The following CDC73 variants were observed in gnomAD, a reference collection of about 807,000 sequenced individuals.
CDC73 encodes parafibromin.
CDC73 carries 21 observed loss-of-function variants against 83.7 expected under a neutral mutation model. That is an observed-to-expected ratio of 0.25 (90% confidence interval 0.18 to 0.36). The LOEUF (loss-of-function observed/expected upper bound fraction) is 0.36. Among genes scored for constraint, CDC73 ranks in the 10% least tolerant of loss-of-function variants. The pLI is 1.00. For missense variants in CDC73, 342 were observed against 653.3 expected (o/e 0.52, Z 5.19); for synonymous variants, 224 against 212.9 (o/e 1.05, Z -0.45).
rs184512604 is a variant in CDC73 at position 193,207,408 on chromosome 1, A to T, written c.1030+3556A>T. Among the ~76,000 whole-genome samples the T allele has an allele frequency of 3.3e-3, 499 of 152,242 alleles. 1 individual carries two copies. Among genetic ancestry groups the T allele is most frequent in the Non-Finnish European group, 5.2e-3 (352 of 68,004 alleles). ...AGAACCAATCTGACCAAAATTTACC[A>T]GGCTGGAATTTCCCAATCATAGTAA... is the stretch of plus-strand genomic sequence containing the variant. On this transcript the variant is annotated intron_variant, in intron 11 of 16. Coordinates refer to ENST00000367435, the MANE Select transcript of CDC73 (RefSeq NM_024529.5).
chr1:193,152,735 T>G (rs1181730910), intron 10 of CDC73, among the ~76,000 whole-genome samples: 1 of 152,090 alleles, frequency 6.6e-6, no homozygotes, highest in Non-Finnish European at 1.5e-5. Flanking sequence ...ATGAGGTCAG[T>G]TTGGGAGAGC....
At chr1:193,243,854 C>T (rs1536098) in intron 15 of CDC73, among the ~76,000 whole-genome samples, 94,910 of 151,912 alleles carry the variant, frequency 0.62, 30,082 homozygotes, top group South Asian at 0.77. Context: ...TTTTTCTGGG[C>T]ACAAATTATT....
chr1:193,193,413 A>C (rs1473921309), intron 10 of CDC73, among the ~76,000 whole-genome samples: 1 of 152,166 alleles, frequency 6.6e-6, no homozygotes, highest in Non-Finnish European at 1.5e-5. Context: ...ATTGAAATTC[A>C]TATGGTGTCA....
intron 10 of CDC73, among the ~76,000 whole-genome samples, chr1:193,165,820 C>T (rs181468691): frequency 2.0e-5 from 3 of 152,322 alleles, no homozygotes; most frequent in Non-Finnish European, 2.9e-5. Flanking sequence ...GCTGAGCATG[C>T]TAACATTTGG....
At chr1:193,139,578 C>T (rs1184874455) in intron 6 of CDC73, among the ~76,000 whole-genome samples, 1 of 152,118 alleles carries the variant, frequency 6.6e-6, no homozygotes, top group African/African-American at 2.4e-5. Context: ...TATTACATGT[C>T]TGCTTTATTA....
At chr1:193,216,483 C>G (rs543400364) in intron 13 of CDC73, among the ~76,000 whole-genome samples, 1 of 152,228 alleles carries the variant, frequency 6.6e-6, no homozygotes, top group East Asian at 1.9e-4. Flanking sequence ...CAACCCCAAA[C>G]CAGACAGATT....
rs28458317 is a variant in CDC73, at chr1:193,161,659, T to A, written c.972+9215T>A. ...AATATATTATATAATATATAATATA[T>A]TATATATCTATCATATAATATATAT... On this transcript the variant is annotated intron_variant, in intron 10 of 16. Coordinates refer to ENST00000367435, the MANE Select transcript of CDC73 (RefSeq NM_024529.5). 3.7e-5 allele frequency among the ~76,000 whole-genome samples: 2 copies of A among 53,564 alleles called. 1 individual carries two copies. Among genetic ancestry groups the A allele is most frequent in the African/African-American group, 1.9e-4 (2 of 10,764 alleles). 35.1% of individuals were successfully genotyped at this position (53,564 alleles called of 152,430 possible).
chr1:193,138,774 A>ATTTTTT, intron 6 of CDC73, among the ~76,000 whole-genome samples: 1 of 128,982 alleles, frequency 7.8e-6, no homozygotes, highest in Non-Finnish European at 1.6e-5. Flanking sequence ...CTGAACTTTA[A>ATTTTTT]TTTTTTTTTT....
At chr1:193,225,567 C>G (rs1677553516) in intron 13 of CDC73, among the ~76,000 whole-genome samples, 1 of 152,080 alleles carries the variant, frequency 6.6e-6, no homozygotes, top group Non-Finnish European at 1.5e-5. Context: ...ATGCCAACAT[C>G]TATTGTTTTT....
intron 13 of CDC73, among the ~76,000 whole-genome samples, chr1:193,231,355 G>C (rs180852491): frequency 7.2e-5 from 11 of 152,244 alleles, no homozygotes; most frequent in African/African-American, 2.4e-4. Flanking sequence ...CCTTTGTTCT[G>C]TGTGTGTGGA....
chr1:193,214,036 T>C (rs1019868972), intron 13 of CDC73, among the ~76,000 whole-genome samples: 1 of 152,216 alleles, frequency 6.6e-6, no homozygotes, highest in African/African-American at 2.4e-5. Flanking sequence ...AAACAGTTTT[T>C]CCCTCTACTT....
intron 6 of CDC73, among the ~76,000 whole-genome samples, chr1:193,139,560 TTCTGCTTTATTACATG>T (rs1379493388): frequency 3.2e-4 from 49 of 152,370 alleles, no homozygotes; most frequent in African/African-American, 1.1e-3. Flanking sequence ...TTTCTCCTCG[TTCTGCTTTATTACATG>T]TCTGCTTTAT....
Position 193,254,561 on chromosome 1 carries a change from A to G in CDC73, c.*3849A>G, listed in dbSNP as rs897128738. On this transcript the variant is annotated 3_prime_UTR_variant, in exon 17 of 17. Transcript: ENST00000367435. ...AAGTATGTTGATCCCAGCATTGTTT[A>G]TATCTGTTGGAATAATAACTAAGGA... Among the ~76,000 whole-genome samples the G allele has an allele frequency of 1.3e-5, 2 of 152,118 alleles. No individual in the cohort carries two copies. The highest frequency in any genetic ancestry group is 1.3e-4 in the Admixed American group (2 of 15,270).
At chr1:193,167,409 T>C (rs1439684216) in intron 10 of CDC73, among the ~76,000 whole-genome samples, 5 of 152,152 alleles carry the variant, frequency 3.3e-5, no homozygotes, top group Admixed American at 6.6e-5. Context: ...ATTAGTAACA[T>C]GTTAACAAGC....
intron 6 of CDC73, chr1:193,140,973 G>C (rs1354118853): frequency 6.6e-6 from 1 of 152,112 alleles, no homozygotes; most frequent in Non-Finnish European, 1.5e-5. Flanking sequence ...ATGCATATGA[G>C]CACTACTATA....
intron 10 of CDC73, chr1:193,180,765 T>A: frequency 6.2e-7 from 1 of 1,614,106 alleles, no homozygotes; most frequent in Non-Finnish European, 8.5e-7. Flanking sequence ...CTGGCTTCAG[T>A]AACTTATTGA....
At chr1:193,199,121 C>T (rs1449836322) in intron 10 of CDC73, among the ~76,000 whole-genome samples, 1 of 152,074 alleles carries the variant, frequency 6.6e-6, no homozygotes, top group Non-Finnish European at 1.5e-5. Context: ...TATACATATA[C>T]CTCAAGGTTA....
chr1:193,130,539 C>T (rs1228995189), intron 3 of CDC73, among the ~76,000 whole-genome samples: 1 of 152,118 alleles, frequency 6.6e-6, no homozygotes, highest in Non-Finnish European at 1.5e-5. Context: ...TGGATCATTC[C>T]CTTTTAGAAT....
chr1:193,137,049 G>T (rs922704836), intron 5 of CDC73, among the ~76,000 whole-genome samples: 13 of 152,144 alleles, frequency 8.5e-5, no homozygotes, highest in Non-Finnish European at 1.5e-4. Context: ...TTCAACATTG[G>T]TTTTCAGTTC....
Sources: allele counts gnomAD v4.1 joint callset (sites outside exome capture counted in the v4.1 genomes callset), GRCh38; gene constraint gnomAD v4.1.1; transcripts MANE v1.5; gene names NCBI Gene and HGNC (gene_info 2026-07-23, HGNC 2026-07-21).